SYNE2: variants seen among roughly 807,000 people sequenced by gnomAD.
The protein encoded by SYNE2 is spectrin repeat containing nuclear envelope protein 2.
A neutral mutation model predicts 856.3 loss-of-function variants in SYNE2; 431 were observed. The ratio of observed to expected loss-of-function variants is 0.50; its 90% CI spans 0.47 to 0.55. The LOEUF (loss-of-function observed/expected upper bound fraction) is 0.55, where lower values mean the gene tolerates loss of function less well. SYNE2 is among the 20% of genes least tolerant of loss of function. The probability of loss-of-function intolerance (pLI) is 0.00; values close to 1 mark genes in which losing one functional copy is unlikely to be tolerated. For missense variants in SYNE2, 8,129 were observed against 8,023.2 expected, an observed-to-expected ratio of 1.01 and a Z score of -0.50; for synonymous variants, 2,923 against 2,872.3, an observed-to-expected ratio of 1.02 and a Z score of -0.56.
In SYNE2 at chr14:64,016,568, GA is replaced by G. The variant is rs766712144; in HGVS notation, c.4828del (p.Thr1610LeufsTer21). On this transcript the variant is annotated frameshift_variant, in exon 33 of 116. Coordinates refer to ENST00000555002, the MANE Select transcript of SYNE2 (RefSeq NM_182914.3). LOFTEE classifies it high-confidence loss of function. ...ATCTACAATTTTATCTAAATAAAAT[GA>G]AAACTTTTGAAGAGCCCCCTTTTGA... ...KNLQFYLNKM[K>X]TFEEPPFEKE... The G allele has an allele frequency of 6.2e-7, 1 of 1,601,968 alleles. No homozygotes were observed. The highest frequency in any genetic ancestry group is 1.1e-5 in the South Asian group (1 of 89,302).
intron 65 of SYNE2, among the ~76,000 whole-genome samples, chr14:64,108,405 A>G (rs1407151963): frequency 6.6e-6 from 1 of 152,086 alleles, no homozygotes; most frequent in African/African-American, 2.4e-5. Flanking sequence ...AGGAATAAGG[A>G]ATCAAACCCA....
intron 65 of SYNE2, among the ~76,000 whole-genome samples, chr14:64,110,778 A>G (rs1054045476): frequency 6.6e-6 from 1 of 152,106 alleles, no homozygotes; most frequent in Admixed American, 6.5e-5. Context: ...GCTTCTCAGA[A>G]GCAACATGGT....
chr14:64,222,061 A>C (rs1372899777), intron 112 of SYNE2, among the ~76,000 whole-genome samples: 1 of 152,244 alleles, frequency 6.6e-6, no homozygotes, highest in Non-Finnish European at 1.5e-5. Flanking sequence ...GATGAGCTGA[A>C]TGGGTTTTCT....
intron 79 of SYNE2, among the ~76,000 whole-genome samples, chr14:64,139,531 C>A (rs2098124158): frequency 6.6e-6 from 1 of 152,082 alleles, no homozygotes; most frequent in Non-Finnish European, 1.5e-5. Flanking sequence ...CCTGCCTCAG[C>A]CTCCTGAGTA....
intron 76 of SYNE2, among the ~76,000 whole-genome samples, chr14:64,130,864 A>G (rs2098010933): frequency 6.6e-6 from 1 of 150,724 alleles, no homozygotes; most frequent in South Asian, 2.1e-4. Context: ...CAGCCTGGCG[A>G]CACAGCAAGA....
intron 76 of SYNE2, among the ~76,000 whole-genome samples, chr14:64,131,353 A>G (rs2098018629): frequency 6.6e-6 from 1 of 152,196 alleles, no homozygotes; most frequent in Admixed American, 6.5e-5. Context: ...TCCTCTTGAA[A>G]GGTTCTTGAA....
chr14:64,011,600 T>A (rs1202877995), intron 32 of SYNE2, among the ~76,000 whole-genome samples: 1 of 152,142 alleles, frequency 6.6e-6, no homozygotes, highest in African/African-American at 2.4e-5. Flanking sequence ...AGACCCTTCC[T>A]TGTATGCTGC....
chr14:64,078,542 A>T lies in SYNE2; in HGVS notation c.11099A>T (p.His3700Leu), dbSNP rs1030095607. 1.2e-6 allele frequency: 2 copies of T among 1,614,182 alleles called. No individual in the cohort carries two copies. The highest frequency in any genetic ancestry group is 3.3e-5 in the Admixed American group (2 of 60,034). ...RKIEEINNGL[H>L]NVEKMLQQKS... ...ATAGAAGAAATTAACAATGGGCTTC[A>T]TAATGTTGAAAAGATGTTGCAGCAG... Residue 3700 changes from histidine to leucine, a missense_variant, in exon 55 of 116, where the codon CAT becomes CTT. By Grantham distance (99) the His-to-Leu change is moderately conservative (BLOSUM62 -3). This residue lies in a region of SYNE2 where 5,410 missense variants were observed against 5,284.8 expected (regional missense o/e 1.02). Transcript: ENST00000555002.
In SYNE2 at chr14:64,049,806, T is replaced by C. The variant is rs202017993; in HGVS notation, c.7573T>C (p.Phe2525Leu). 6.2e-7 allele frequency: 1 copy of C among 1,614,124 alleles called. No individual in the cohort carries two copies. The highest frequency in any genetic ancestry group is 8.5e-7 in the Non-Finnish European group (1 of 1,180,008). ...AAGCCAATATTGTGTCCTCAGAGAT[T>C]TTCAGGAATACCTTGCTGCAGTTGA... ...KESQYCVLRD[F>L]QEYLAAVESS... is the part of the protein sequence containing the mutation. Residue 2525 changes from phenylalanine to leucine, a missense_variant, in exon 47 of 116, where the codon TTT becomes CTT. Coordinates refer to ENST00000555002, the MANE Select transcript of SYNE2 (RefSeq NM_182914.3).
intron 1 of SYNE2, among the ~76,000 whole-genome samples, chr14:63,902,397 C>T (rs1278879619): frequency 3.0e-5 from 3 of 100,016 alleles, no homozygotes; most frequent in African/African-American, 8.0e-5. Context: ...GGTGACAGAA[C>T]GAGACTCCTC....
At chr14:64,154,576 T>A (rs2098270643) in intron 85 of SYNE2, among the ~76,000 whole-genome samples, 1 of 152,052 alleles carries the variant, frequency 6.6e-6, no homozygotes, top group Non-Finnish European at 1.5e-5. Context: ...GCAGATCGCT[T>A]GAATTCAGCA....
At chr14:63,788,444 G>T (rs533134496) in intron 1 of SYNE2, among the ~76,000 whole-genome samples, 1 of 152,290 alleles carries the variant, frequency 6.6e-6, no homozygotes, top group South Asian at 2.1e-4. Flanking sequence ...GCTGCACCCG[G>T]GAGGGCAGGG....
intron 1 of SYNE2, among the ~76,000 whole-genome samples, chr14:63,877,471 A>G (rs2094751480): frequency 6.6e-6 from 1 of 152,184 alleles, no homozygotes; most frequent in African/African-American, 2.4e-5. Context: ...AGAGGTGGTT[A>G]ATTTGGTTAC....
chr14:64,013,430 A>G (rs1199259216), intron 32 of SYNE2, among the ~76,000 whole-genome samples: 1 of 151,806 alleles, frequency 6.6e-6, no homozygotes, highest in Non-Finnish European at 1.5e-5. Context: ...TATCACCCAA[A>G]TAGTGGACAT....
intron 2 of SYNE2, among the ~76,000 whole-genome samples, chr14:63,920,452 G>A (rs993336891): frequency 6.6e-6 from 1 of 151,682 alleles, no homozygotes; most frequent in Non-Finnish European, 1.5e-5. Flanking sequence ...GTGAGACTGA[G>A]GATTTAAAGG....
rs2095441931 is a variant in SYNE2, at chr14:63,909,089, C to T, written c.-51-9C>T. ...GTTACTAATGAACATTTATCCATTT[C>T]ACTTTCAGTTCACTTCTTCAACTGA... On this transcript the variant is annotated splice_polypyrimidine_tract_variant and intron_variant, in intron 1 of 115. Transcript: ENST00000555002. 8.5e-7 allele frequency: 1 copy of T among 1,179,458 alleles called. No homozygotes were observed. The highest frequency in any genetic ancestry group is 2.3e-5 in the East Asian group (1 of 42,820). 73.1% of individuals were successfully genotyped at this position (1,179,458 alleles called of 1,614,324 possible).
intron 64 of SYNE2, among the ~76,000 whole-genome samples, chr14:64,105,703 T>A (rs1293208030): frequency 6.6e-6 from 1 of 152,220 alleles, no homozygotes; most frequent in African/African-American, 2.4e-5. Context: ...AAAAGAAGGA[T>A]TGCTGAATCA....
At position 64,216,394 on chromosome 14, in the gene SYNE2, C is replaced by T. The variant is rs2098666609; in HGVS notation, c.19542+7C>T. On this transcript the variant is annotated splice_region_variant and intron_variant, in intron 108 of 115. Transcript: ENST00000555002. ...CCCTTATAAACCACCCTATGTAAGT[C>T]TTAACTTCACTGGGAGTACAGCCTA... The T allele has an allele frequency of 6.2e-7, 1 of 1,613,964 alleles. No homozygotes were observed. Among genetic ancestry groups the T allele is most frequent in the Middle Eastern group, 1.6e-4 (1 of 6,062 alleles).
chr14:63,823,543 G>A (rs1889307739), intron 1 of SYNE2, among the ~76,000 whole-genome samples: 1 of 151,830 alleles, frequency 6.6e-6, no homozygotes, highest in South Asian at 2.1e-4. Context: ...AAATAAAAGA[G>A]GAGGGAACAC....
Sources: allele counts gnomAD v4.1 joint callset (sites outside exome capture counted in the v4.1 genomes callset), GRCh38; gene constraint gnomAD v4.1.1; regional missense constraint gnomAD v4.1.1; transcripts MANE v1.5; gene names NCBI Gene and HGNC (gene_info 2026-07-23, HGNC 2026-07-21).